The following USP25 variants were observed in gnomAD, a reference collection of about 807,000 sequenced individuals.
The protein encoded by USP25 is ubiquitin carboxyl-terminal hydrolase 25.
USP25 carries 85 observed loss-of-function variants against 158.5 expected under a neutral mutation model. The observed-to-expected ratio is 0.54, with a 90% confidence interval of 0.45 to 0.64. The LOEUF (loss-of-function observed/expected upper bound fraction) is 0.64. USP25 is among the 30% of genes least tolerant of loss of function. The probability of loss-of-function intolerance (pLI) is 0.00; values close to 1 mark genes in which losing one functional copy is unlikely to be tolerated. For missense variants in USP25, 1,242 were observed against 1,327.3 expected, an observed-to-expected ratio of 0.94 and a Z score of 1.00; for synonymous variants, 464 against 460.4, an observed-to-expected ratio of 1.01 and a Z score of -0.10.
intron 17 of USP25, among the ~76,000 whole-genome samples, chr21:15,837,592 C>T (rs1476850069): frequency 6.6e-6 from 1 of 152,180 alleles, no homozygotes; most frequent in Non-Finnish European, 1.5e-5. Flanking sequence ...ATTTATAAAA[C>T]AGAAATTATG....
chr21:15,859,192 G>C (rs2039300528), intron 20 of USP25, among the ~76,000 whole-genome samples: 1 of 146,366 alleles, frequency 6.8e-6, no homozygotes, highest in Non-Finnish European at 1.5e-5. Context: ...CTCTTGTTTT[G>C]TTTTGTGTTT....
At chr21:15,750,095 C>T (rs542240921) in intron 1 of USP25, among the ~76,000 whole-genome samples, 14 of 151,288 alleles carry the variant, frequency 9.3e-5, no homozygotes, top group African/African-American at 2.4e-4. Context: ...GTCCAGCATC[C>T]GGGGAGGGAA....
intron 4 of USP25, among the ~76,000 whole-genome samples, chr21:15,779,742 T>G (rs2034857374): frequency 1.3e-5 from 2 of 151,966 alleles, no homozygotes; most frequent in African/African-American, 4.8e-5. Context: ...TCTAGGTCTT[T>G]TACATTTTAA....
At chr21:15,751,828 C>T (rs1390700766) in intron 1 of USP25, among the ~76,000 whole-genome samples, 1 of 152,098 alleles carries the variant, frequency 6.6e-6, no homozygotes, top group Non-Finnish European at 1.5e-5. Flanking sequence ...GCTTATAGTG[C>T]TGAGTAACAG....
At chr21:15,792,176 A>G (rs1291243394) in intron 5 of USP25, among the ~76,000 whole-genome samples, 1 of 151,750 alleles carries the variant, frequency 6.6e-6, no homozygotes, top group Non-Finnish European at 1.5e-5. Flanking sequence ...TGATAAATCA[A>G]GAATAACACA....
chr21:15,844,352 T>TTTATCA, intron 18 of USP25, among the ~76,000 whole-genome samples: 1 of 152,160 alleles, frequency 6.6e-6, no homozygotes, highest in African/African-American at 2.4e-5. Context: ...TTTTATTTAT[T>TTTATCA]ATGAATGCAA....
chr21:15,796,183 G>A (rs2035854411), intron 5 of USP25, among the ~76,000 whole-genome samples: 1 of 151,460 alleles, frequency 6.6e-6, no homozygotes, highest in Admixed American at 6.6e-5. Context: ...CTCTTTTGAA[G>A]GAATACATTG....
Position 15,766,704 on chromosome 21 carries a change from G to C in USP25, c.268+563G>C, listed in dbSNP as rs930986819. On this transcript the variant is annotated intron_variant, in intron 3 of 25. Transcript: ENST00000400183. The surrounding 1 kb of genome is among the most constrained non-coding windows in gnomAD (Gnocchi z 4.0). ...GTGGAAGATTCTATGTGGGACTTAA[G>C]TTTTTCTTCATAATATGAATACTTT... 6.6e-6 allele frequency among the ~76,000 whole-genome samples: 1 copy of C among 151,996 alleles called. No individual in the cohort carries two copies. The highest frequency in any genetic ancestry group is 2.4e-5 in the African/African-American group (1 of 41,408).
Position 15,847,751 on chromosome 21 carries a change from CA to C in USP25, c.2429del (p.Lys810ArgfsTer10), listed in dbSNP as rs1169871733. 19 of 1,549,602 alleles carry C rather than the reference CA, an allele frequency of 1.2e-5. No individual in the cohort carries two copies. Among genetic ancestry groups the C allele is most frequent in the Middle Eastern group, 3.3e-4 (2 of 6,008 alleles). ...IPHVGKFMIE[S>X]KEGGYDDEIM... ...CATGTAGGGAAATTTATGATTGAAT[CA>C]AAGGAGGGGGGGTATGATGACGAGG... On this transcript the variant is annotated frameshift_variant, in exon 19 of 26. Transcript: ENST00000400183. LOFTEE classifies it high-confidence loss of function.
chr21:15,786,077 A>G (rs1307811603), intron 4 of USP25, among the ~76,000 whole-genome samples: 1 of 152,118 alleles, frequency 6.6e-6, no homozygotes, highest in Non-Finnish European at 1.5e-5. Context: ...AACACACACA[A>G]CCTACCAAGA....
chr21:15,758,842 C>G (rs1230811566), intron 1 of USP25, among the ~76,000 whole-genome samples: 1 of 152,066 alleles, frequency 6.6e-6, no homozygotes, highest in Non-Finnish European at 1.5e-5. Context: ...ATCACAAGAA[C>G]AGCATGGGAA....
intron 10 of USP25, among the ~76,000 whole-genome samples, chr21:15,823,007 T>G (rs2037309950): frequency 2.0e-5 from 3 of 152,010 alleles, no homozygotes; most frequent in Admixed American, 2.0e-4. Flanking sequence ...ACTTTCCAGA[T>G]CCTCCTCAGA....
At chr21:15,851,261 C>A (rs2038874118) in intron 20 of USP25, among the ~76,000 whole-genome samples, 1 of 152,034 alleles carries the variant, frequency 6.6e-6, no homozygotes, top group South Asian at 2.1e-4. Flanking sequence ...AAGTTAATAT[C>A]TGCATATAAA....
chr21:15,767,420 A>G (rs1328739097), intron 3 of USP25, among the ~76,000 whole-genome samples: 2 of 152,092 alleles, frequency 1.3e-5, no homozygotes, highest in East Asian at 1.9e-4. Flanking sequence ...CATCCAGGGC[A>G]TGCTTCTGTC....
At chr21:15,745,816 C>T (rs1301719328) in intron 1 of USP25, among the ~76,000 whole-genome samples, 1 of 152,056 alleles carries the variant, frequency 6.6e-6, no homozygotes, top group African/African-American at 2.4e-5. Flanking sequence ...TAAATTTTTT[C>T]TCCCTGTGTT....
intron 1 of USP25, among the ~76,000 whole-genome samples, chr21:15,730,976 G>GTTTTTTTTTTTTTTTTTTTTT (rs748732727): frequency 9.3e-5 from 5 of 53,646 alleles, no homozygotes; most frequent in African/African-American, 1.4e-4. Context: ...CTTCTTTTCT[G>GTTTTTTTTTTTTTTTTTTTTT]TTTTTTTTTT....
At chr21:15,786,235 C>G (rs2035264853) in intron 4 of USP25, among the ~76,000 whole-genome samples, 1 of 152,106 alleles carries the variant, frequency 6.6e-6, no homozygotes, top group South Asian at 2.1e-4. Flanking sequence ...AATATTAATT[C>G]TCAAACTATT....
At chr21:15,858,844 T>A (rs1014750931) in intron 20 of USP25, among the ~76,000 whole-genome samples, 1 of 151,972 alleles carries the variant, frequency 6.6e-6, no homozygotes, top group Non-Finnish European at 1.5e-5. Flanking sequence ...CTAAACTGAT[T>A]GGTATTGAAA....
rs183575493 is a variant in USP25, at chr21:15,790,524, A to G, written c.393-978A>G. Among the ~76,000 whole-genome samples, 231 of 152,082 alleles carry G rather than the reference A, an allele frequency of 1.5e-3. 2 individuals carry two copies. The highest frequency in any genetic ancestry group is 5.4e-3 in the African/African-American group (225 of 41,518). On this transcript the variant is annotated intron_variant, in intron 4 of 25. Transcript: ENST00000400183. ...GGATAAAAATGGTGTGAAATGAATG[A>G]GATTTTCTTGATAAACCAAAAAGTT...
Sources: gnomAD v4.1 joint callset for allele counts (sites outside exome capture counted in the v4.1 genomes callset) on GRCh38, gnomAD v4.1.1 for gene constraint, Gnocchi (gnomAD v3.1) non-coding constraint, MANE v1.5 for transcripts, NCBI Gene and HGNC (gene_info 2026-07-23, HGNC 2026-07-21) for gene names.